UTRN: variants seen among roughly 807,000 people sequenced by gnomAD.
UTRN encodes the protein dystrophin-related protein 1.
In UTRN, 283 loss-of-function variants were observed where a neutral mutation model predicts 463.9. The observed-to-expected ratio is 0.61, with a 90% CI of 0.55 to 0.67. The LOEUF (loss-of-function observed/expected upper bound fraction) is 0.67, where lower values mean the gene tolerates loss of function less well. Ranked by LOEUF, UTRN falls within the 30% of genes least tolerant of loss-of-function variation. UTRN has a pLI of 0.00. For missense variants in UTRN, 3,922 were observed against 4,084.3 expected (o/e 0.96, Z 1.08); for synonymous variants, 1,442 against 1,431.5 (o/e 1.01, Z -0.17).
chr6:144,493,448 G>A lies in UTRN; in HGVS notation c.4585G>A (p.Gly1529Ser). ...TSLKVLYNDL[G>S]AQVTEGKQDL... The stretch of plus-strand genomic sequence containing the variant: ...CCTGAAGGTTCTTTACAATGACCTG[G>A]GCGCACAGGTGAGGAGAGCAGCCCC... The change falls in exon 33 of 75, where the codon GGC (glycine) becomes AGC (serine). Residue 1529 changes from glycine to serine, a missense_variant. Gly to Ser is a moderately conservative substitution (Grantham distance 56). Coordinates refer to ENST00000367545, the MANE Select transcript of UTRN (RefSeq NM_007124.3). The A allele has an allele frequency of 6.2e-7, 1 of 1,613,530 alleles. No homozygotes were observed. The highest frequency in any genetic ancestry group is 8.5e-7 in the Non-Finnish European group (1 of 1,179,772).
chr6:144,297,341 CTA>C (rs1804818169), intron 2 of UTRN, among the ~76,000 whole-genome samples: 1 of 152,066 alleles, frequency 6.6e-6, no homozygotes, highest in Non-Finnish European at 1.5e-5. Context: ...TGAAAATCTG[CTA>C]TGTTTGGAAA....
At chr6:144,847,839 ATAGTGAGTTAGGG>A (rs1782153631) in intron 74 of UTRN, among the ~76,000 whole-genome samples, 1 of 152,206 alleles carries the variant, frequency 6.6e-6, no homozygotes, top group East Asian at 1.9e-4. Context: ...TCCCTTTAGC[ATAGTGAGTTAGGG>A]ATCCTGAGAT....
intron 60 of UTRN, 49 bp from the exon 61 acceptor site, chr6:144,781,873 T>A (rs1325833417): frequency 7.2e-7 from 1 of 1,379,848 alleles, no homozygotes; most frequent in Admixed American, 1.8e-5. Context: ...TGTTATGTAA[T>A]GTAATGTAAT....
At chr6:144,846,783 T>C in intron 73 of UTRN, 22 bp from the exon 74 acceptor site, 1 of 1,613,992 alleles carries the variant, frequency 6.2e-7, no homozygotes, top group Non-Finnish European at 8.5e-7. Context: ...CATTAAGTGA[T>C]TTCTTTTGTT....
At chr6:144,686,714 T>A (rs1431185750) in intron 52 of UTRN, among the ~76,000 whole-genome samples, 1 of 152,166 alleles carries the variant, frequency 6.6e-6, no homozygotes, top group African/African-American at 2.4e-5. Context: ...GAATAGCTAC[T>A]ACTGTTCACT....
chr6:144,544,064 A>G (rs1330875377), intron 46 of UTRN, among the ~76,000 whole-genome samples: 1 of 152,154 alleles, frequency 6.6e-6, no homozygotes, highest in East Asian at 1.9e-4. Flanking sequence ...AAACCTCTAT[A>G]TGGTAAAGGA....
At chr6:144,289,860 G>A (rs971624687) in intron 1 of UTRN, among the ~76,000 whole-genome samples, 2 of 151,246 alleles carry the variant, frequency 1.3e-5, no homozygotes, top group African/African-American at 4.9e-5. Context: ...CACCATGTTG[G>A]CCAGGCTGGT....
chr6:144,657,626 C>G (rs1323472725), intron 51 of UTRN, among the ~76,000 whole-genome samples: 1 of 152,200 alleles, frequency 6.6e-6, no homozygotes, highest in Non-Finnish European at 1.5e-5. Flanking sequence ...ATGTGGGACT[C>G]TAACAATAAC....
At position 144,827,335 on chromosome 6, in the gene UTRN, C is replaced by T; in HGVS notation, c.9495-13C>T. 6.2e-7 allele frequency: 1 copy of T among 1,613,260 alleles called. No homozygotes were observed. The highest frequency in any genetic ancestry group is 8.5e-7 in the Non-Finnish European group (1 of 1,179,530). On this transcript the variant is annotated splice_polypyrimidine_tract_variant and intron_variant, in intron 66 of 74. Transcript: ENST00000367545. ...TGTTCTGTGACTTTTGTCTCCCTCT[C>T]CCCTCTTTGCAGTCCTATCACACTC...
chr6:144,797,910 A>G lies in UTRN; in HGVS notation c.9165A>G (p.Leu3055=). Residue 3055 remains leucine, a synonymous_variant, in exon 64 of 75, where the codon TTA becomes TTG. Transcript: ENST00000367545. Reference sequence around the variant, plus strand: ...AGTCCATGGTTTGGCTCCCAGTTTTACATCGAGTGGCAGCAGCGGAGACTG... The same window carrying G: ...AGTCCATGGTTTGGCTCCCAGTTTTGCATCGAGTGGCAGCAGCGGAGACTG... The part of the protein sequence containing the change: ...EPQSMVWLPV[L]HRVAAAETAK... 6.2e-7 allele frequency: 1 copy of G among 1,614,182 alleles called. No individual in the cohort carries two copies. Among genetic ancestry groups the G allele is most frequent in the Non-Finnish European group, 8.5e-7 (1 of 1,180,012 alleles).
chr6:144,511,198 A>T (rs1228461411), intron 35 of UTRN, 75 bp downstream of exon 35: 1 of 1,333,628 alleles, frequency 7.5e-7, no homozygotes, highest in African/African-American at 1.5e-5. Flanking sequence ...TACAACTTTG[A>T]TTAAATTTCA....
At chr6:144,814,550 A>T (rs1778911810) in intron 65 of UTRN, among the ~76,000 whole-genome samples, 1 of 152,220 alleles carries the variant, frequency 6.6e-6, no homozygotes, top group African/African-American at 2.4e-5. Context: ...TAATTATACA[A>T]CCAAAAAAAT....
rs1333769413 is a variant in UTRN, at chr6:144,717,627, C to CTTTTTTTTTTTT, written c.7810-12724_7810-12723insTTTTTTTTTTTT. 1.1e-4 allele frequency among the ~76,000 whole-genome samples: 12 copies of CTTTTTTTTTTTT among 112,682 alleles called. 1 individual carries two copies. The highest frequency in any genetic ancestry group is 2.6e-4 in the African/African-American group (6 of 22,958). The allele number at this position is 112,682 out of a possible 152,430, so 73.9% of individuals were successfully genotyped here. On this transcript the variant is annotated intron_variant, in intron 53 of 74. Transcript: ENST00000367545. ...ATTTTTTTCTTTTTCTTTTTCTTTT[C>CTTTTTTTTTTTT]TTTTTTCTTTTTTTTTTTTTTTTTT...
rs118176232 is a variant in UTRN at position 144,655,293 on chromosome 6, G to A, written c.7480-23113G>A. On this transcript the variant is annotated intron_variant, in intron 51 of 74. Transcript: ENST00000367545. ...GCAGGCTGATGTTAACTTGAAAGTC[G>A]AAATGTATGGACTGGTCTCTCCCTA... Among the ~76,000 whole-genome samples the A allele has an allele frequency of 7.2e-4, 109 of 152,304 alleles. 1 individual carries two copies. In the East Asian group the frequency reaches 0.019, roughly 26 times the overall value.
intron 50 of UTRN, among the ~76,000 whole-genome samples, chr6:144,576,024 G>C (rs1192080614): frequency 6.6e-6 from 1 of 152,116 alleles, no homozygotes; most frequent in Non-Finnish European, 1.5e-5. Context: ...CTGGCCCTTT[G>C]TGTTTAACTT....
At chr6:144,571,777 C>G (rs75724901) in intron 50 of UTRN, among the ~76,000 whole-genome samples, 2,263 of 152,208 alleles carry the variant, frequency 0.015, 63 homozygotes, top group African/African-American at 0.052. Context: ...TTTCTTTGCA[C>G]CTATTGCTAA....
intron 35 of UTRN, 28 bp from the exon 36 acceptor site, chr6:144,513,881 T>G: frequency 1.2e-6 from 2 of 1,608,290 alleles, no homozygotes; most frequent in African/African-American, 2.7e-5. Context: ...CATATGGTTA[T>G]GTAAGCATTT....
chr6:144,508,479 A>C (rs887021312), intron 34 of UTRN, among the ~76,000 whole-genome samples: 12 of 152,132 alleles, frequency 7.9e-5, no homozygotes, highest in African/African-American at 2.9e-4. Context: ...ACAGTCCCTC[A>C]TGGCTTCCCT....
At chr6:144,724,254 A>C (rs1314496191) in intron 53 of UTRN, among the ~76,000 whole-genome samples, 1 of 102,514 alleles carries the variant, frequency 9.8e-6, no homozygotes, top group African/African-American at 3.9e-5. Context: ...TTTGAGATGG[A>C]GTCTCGCTCT....
Sources: allele counts gnomAD v4.1 joint callset (sites outside exome capture counted in the v4.1 genomes callset), GRCh38; gene constraint gnomAD v4.1.1; transcripts MANE v1.5; gene names NCBI Gene and HGNC (gene_info 2026-07-23, HGNC 2026-07-21).